Variants in NOMO2 observed in about 807,000 individuals in gnomAD.
NOMO2 encodes NODAL modulator 2.
A neutral mutation model predicts 67.1 loss-of-function variants in NOMO2; 14 were observed. The ratio of observed to expected loss-of-function variants is 0.21; its 90% CI spans 0.14 to 0.33. The LOEUF (loss-of-function observed/expected upper bound fraction) is 0.33, where lower values mean the gene tolerates loss of function less well. Ranked by LOEUF, NOMO2 falls within the 10% of genes least tolerant of loss-of-function variation. The pLI is 1.00. For missense variants in NOMO2, 178 were observed against 761.0 expected, an observed-to-expected ratio of 0.23 and a Z score of 9.01; for synonymous variants, 80 against 305.9, an observed-to-expected ratio of 0.26 and a Z score of 7.71.
At chr16:18,528,022 T>A in intron 15 of NOMO2, 1 of 480,178 alleles carries the variant, frequency 2.1e-6, no homozygotes, top group Non-Finnish European at 4.1e-6. Context: ...CCTAGGGGTC[T>A]TTAGCTCGCT....
chr16:18,555,493 C>T (rs1901882585), intron 2 of NOMO2, among the ~76,000 whole-genome samples: 3 of 149,806 alleles, frequency 2.0e-5, no homozygotes. Flanking sequence ...CATAATTGTG[C>T]CCCTGCACTC....
chr16:18,544,461 T>G (rs1158125905), intron 6 of NOMO2, among the ~76,000 whole-genome samples: 1 of 152,210 alleles, frequency 6.6e-6, no homozygotes, highest in Non-Finnish European at 1.5e-5. Flanking sequence ...TAAAGGTTTC[T>G]CTGTACGTGT....
chr16:18,558,962 A>G, intron 1 of NOMO2: 1 of 441,332 alleles, frequency 2.3e-6, no homozygotes, highest in South Asian at 1.6e-5. Flanking sequence ...ACCTGAGCCC[A>G]GGAGACCAGC....
intron 1 of NOMO2, among the ~76,000 whole-genome samples, chr16:18,561,195 A>AAC (rs1555467962): frequency 0.18 from 18,049 of 99,662 alleles, 2,289 homozygotes; most frequent in South Asian, 0.24. Context: ...AAAAAAAAAA[A>AAC]AAAAAAAAAA....
intron 15 of NOMO2, among the ~76,000 whole-genome samples, chr16:18,528,887 G>A (rs1176074546): frequency 1.4e-5 from 2 of 144,116 alleles, no homozygotes; most frequent in Non-Finnish European, 3.0e-5. Context: ...AGAATCGCTT[G>A]AACTCGGGAG....
intron 5 of NOMO2, among the ~76,000 whole-genome samples, chr16:18,547,676 T>C (rs1430786039): frequency 6.6e-6 from 1 of 151,612 alleles, no homozygotes; most frequent in East Asian, 1.9e-4. Flanking sequence ...GGGACAGAAG[T>C]GTCCAAGGAA....
intron 15 of NOMO2, 81 bp downstream of exon 15, chr16:18,529,420 A>G (rs1385001450): frequency 2.5e-6 from 4 of 1,611,354 alleles, no homozygotes; most frequent in East Asian, 2.2e-5. Flanking sequence ...TACGTTTACA[A>G]TATTCCTGGG....
chr16:18,547,814 A>G (rs978266146), intron 5 of NOMO2, among the ~76,000 whole-genome samples: 2 of 151,384 alleles, frequency 1.3e-5, no homozygotes, highest in African/African-American at 4.8e-5. Flanking sequence ...AATCCCAGAA[A>G]AAAGGCTTTA....
chr16:18,545,097 AT>A (rs61049313), intron 6 of NOMO2, among the ~76,000 whole-genome samples: 2,969 of 107,498 alleles, frequency 0.028, 2 homozygotes, highest in African/African-American at 0.092. Context: ...TTTCGAATAA[AT>A]TTTTTTTTTT....
intron 11 of NOMO2, among the ~76,000 whole-genome samples, chr16:18,536,989 C>A (rs1446949898): frequency 6.6e-6 from 1 of 151,946 alleles, no homozygotes; most frequent in African/African-American, 2.4e-5. Flanking sequence ...TACCTCCTAC[C>A]CCAAACTTAC....
At chr16:18,529,346 T>C in intron 15 of NOMO2, 155 bp downstream of exon 15, 1 of 1,478,080 alleles carries the variant, frequency 6.8e-7, no homozygotes, top group South Asian at 1.2e-5. Flanking sequence ...TATAAATGCT[T>C]CCTGATTATG....
intron 15 of NOMO2, among the ~76,000 whole-genome samples, chr16:18,528,992 C>CATATAT (rs60355905): frequency 8.1e-5 from 1 of 12,314 alleles, no homozygotes; most frequent in African/African-American, 2.7e-4. Flanking sequence ...AAAAAAAATA[C>CATATAT]ATATATATAT....
chr16:18,556,740 TTGTG>T (rs530498523), intron 2 of NOMO2, among the ~76,000 whole-genome samples: 1 of 152,108 alleles, frequency 6.6e-6, no homozygotes, highest in Non-Finnish European at 1.5e-5. Flanking sequence ...GCATGTGTGC[TTGTG>T]TGTATTTCCA....
intron 15 of NOMO2, among the ~76,000 whole-genome samples, chr16:18,529,029 A>G (rs1299759469): frequency 1.5e-4 from 6 of 38,774 alleles, no homozygotes; most frequent in African/African-American, 4.6e-4. Flanking sequence ...ATATATATAT[A>G]TATATATATA....
chr16:18,526,013 T>C (rs539974507), intron 16 of NOMO2, among the ~76,000 whole-genome samples: 22 of 152,136 alleles, frequency 1.4e-4, no homozygotes, highest in Admixed American at 2.0e-4. Flanking sequence ...CCGATGGCAC[T>C]GCTGTATGGA....
chr16:18,543,544 C>A, intron 7 of NOMO2, 73 bp downstream of exon 7: 1 of 1,605,940 alleles, frequency 6.2e-7, no homozygotes, highest in Non-Finnish European at 8.5e-7. Context: ...TTTTTTAAAA[C>A]AGTATGTTCT....
intron 11 of NOMO2, among the ~76,000 whole-genome samples, chr16:18,536,434 T>C (rs1419884755): frequency 1.3e-5 from 2 of 152,056 alleles, no homozygotes; most frequent in East Asian, 3.8e-4. Flanking sequence ...TTTGTCTTTT[T>C]TGTCTTTTTT....
chr16:18,533,590 T>C (rs1430461239), intron 11 of NOMO2: 1 of 175,552 alleles, frequency 5.7e-6, no homozygotes, highest in African/African-American at 2.4e-5. Context: ...CTAAGCTGCC[T>C]AAGAAACTGT....
intron 4 of NOMO2, among the ~76,000 whole-genome samples, chr16:18,550,952 G>A (rs1036798138): frequency 6.6e-6 from 1 of 151,682 alleles, no homozygotes; most frequent in Non-Finnish European, 1.5e-5. Context: ...GAGGTCAGGA[G>A]TTTGAGACCA....
Sources: gnomAD v4.1 joint callset for allele counts (sites outside exome capture counted in the v4.1 genomes callset) on GRCh38, gnomAD v4.1.1 for gene constraint, MANE v1.5 for transcripts, NCBI Gene and HGNC (gene_info 2026-07-23, HGNC 2026-07-21) for gene names.